Variants in CADPS2 observed in about 807,000 individuals in gnomAD.
The protein encoded by CADPS2 is calcium-dependent secretion activator 2.
A neutral mutation model predicts 172.5 loss-of-function variants in CADPS2; 93 were observed. The ratio of observed to expected loss-of-function variants is 0.54; its 90% CI spans 0.46 to 0.64. CADPS2 has a LOEUF of 0.64. Among genes scored for constraint, CADPS2 ranks in the 30% least tolerant of loss-of-function variants. The pLI, the probability that CADPS2 is intolerant of heterozygous loss-of-function variation, is 0.00. For synonymous variants in CADPS2, 546 were observed against 555.2 expected, an observed-to-expected ratio of 0.98 and a Z score of 0.23; for missense variants, 1,420 against 1,565.9, an observed-to-expected ratio of 0.91 and a Z score of 1.57.
At chr7:122,851,515 C>T (rs996797) in intron 1 of CADPS2, among the ~76,000 whole-genome samples, 28,516 of 152,070 alleles carry the variant, frequency 0.19, 2,785 homozygotes, top group Middle Eastern at 0.27. Context: ...AAAATAATAG[C>T]TAAGACTTAA....
intron 1 of CADPS2, among the ~76,000 whole-genome samples, chr7:122,753,181 A>G (rs1164892212): frequency 6.6e-6 from 1 of 152,346 alleles, no homozygotes; most frequent in East Asian, 1.9e-4. Flanking sequence ...AAAATCTAGT[A>G]GGGTATAATT....
chr7:122,363,852 G>GT (rs2040500191), intron 25 of CADPS2, among the ~76,000 whole-genome samples: 1 of 152,154 alleles, frequency 6.6e-6, no homozygotes. Context: ...GAATTACTTA[G>GT]TGACAAAGAG....
chr7:122,818,043 T>C (rs1802039548), intron 1 of CADPS2, among the ~76,000 whole-genome samples: 1 of 150,426 alleles, frequency 6.6e-6, no homozygotes, highest in Admixed American at 6.6e-5. Context: ...CCATCCCTTA[T>C]TTCCATGCCC....
chr7:122,610,124 A>C (rs1219819172), intron 6 of CADPS2, among the ~76,000 whole-genome samples: 1 of 151,268 alleles, frequency 6.6e-6, no homozygotes, highest in African/African-American at 2.4e-5. Context: ...ATTTTAAATC[A>C]GACAAATTTC....
intron 3 of CADPS2, among the ~76,000 whole-genome samples, chr7:122,648,411 C>T (rs986631102): frequency 7.2e-5 from 11 of 152,080 alleles, no homozygotes; most frequent in Admixed American, 3.9e-4. Flanking sequence ...CCTGCAATCT[C>T]GACATGGACA....
chr7:122,732,569 T>C (rs1031089363), intron 2 of CADPS2, among the ~76,000 whole-genome samples: 9 of 148,680 alleles, frequency 6.1e-5, no homozygotes, highest in Non-Finnish European at 1.0e-4. Context: ...TTGAAGAATA[T>C]AATATAATAT....
intron 1 of CADPS2, among the ~76,000 whole-genome samples, chr7:122,740,348 A>C (rs2092397047): frequency 6.6e-6 from 1 of 152,196 alleles, no homozygotes. Context: ...GGTACGTCCA[A>C]CAATGGAATA....
intron 14 of CADPS2, among the ~76,000 whole-genome samples, chr7:122,462,925 G>A (rs1471938476): frequency 1.3e-5 from 2 of 152,140 alleles, no homozygotes; most frequent in African/African-American, 4.8e-5. Context: ...ACCAACCTGT[G>A]TGACATAATG....
intron 25 of CADPS2, among the ~76,000 whole-genome samples, chr7:122,372,993 A>T (rs1039172134): frequency 6.6e-6 from 1 of 152,224 alleles, no homozygotes; most frequent in Non-Finnish European, 1.5e-5. Context: ...TTAGAGGCAG[A>T]GTCACAATAT....
At chr7:122,437,257 T>C (rs903000976) in intron 17 of CADPS2, among the ~76,000 whole-genome samples, 5 of 152,154 alleles carry the variant, frequency 3.3e-5, no homozygotes, top group African/African-American at 1.2e-4. Flanking sequence ...GGAGGTTTCA[T>C]GTTGTTACTC....
chr7:122,791,440 T>C (rs977446034), intron 1 of CADPS2, among the ~76,000 whole-genome samples: 1 of 152,120 alleles, frequency 6.6e-6, no homozygotes, highest in African/African-American at 2.4e-5. Flanking sequence ...ATCTTGACTT[T>C]TTCTTTCCTG....
At chr7:122,415,109 A>C (rs555713258) in intron 18 of CADPS2, among the ~76,000 whole-genome samples, 3 of 152,232 alleles carry the variant, frequency 2.0e-5, no homozygotes, top group African/African-American at 4.8e-5. Context: ...TCTTTAGTGA[A>C]TGTTAATATG....
intron 1 of CADPS2, among the ~76,000 whole-genome samples, chr7:122,778,914 A>G (rs920927270): frequency 6.6e-6 from 1 of 152,170 alleles, no homozygotes; most frequent in African/African-American, 2.4e-5. Context: ...CTTGAATTGT[A>G]GATCCCCACA....
At chr7:122,850,556 G>C (rs1813286431) in intron 1 of CADPS2, among the ~76,000 whole-genome samples, 1 of 152,190 alleles carries the variant, frequency 6.6e-6, no homozygotes, top group Non-Finnish European at 1.5e-5. Context: ...TTTTGGAGGT[G>C]CTTAAGCAGA....
At chr7:122,539,787 CTCCA>C (rs1345693491) in intron 8 of CADPS2, among the ~76,000 whole-genome samples, 3 of 151,804 alleles carry the variant, frequency 2.0e-5, no homozygotes, top group African/African-American at 7.2e-5. Flanking sequence ...TTCTGTTTCT[CTCCA>C]TCTCTCTTTG....
intron 1 of CADPS2, among the ~76,000 whole-genome samples, chr7:122,781,239 C>G (rs986792750): frequency 3.3e-5 from 5 of 152,106 alleles, no homozygotes; most frequent in African/African-American, 1.2e-4. Context: ...ATTAAAATAT[C>G]TTTTCCTTAT....
intron 1 of CADPS2, among the ~76,000 whole-genome samples, chr7:122,844,822 T>G (rs1811531736): frequency 6.6e-6 from 1 of 152,002 alleles, no homozygotes; most frequent in Non-Finnish European, 1.5e-5. Context: ...GTGGGGAGGA[T>G]TCACATAAGG....
At chr7:122,497,613 G>A (rs1019015945) in intron 9 of CADPS2, among the ~76,000 whole-genome samples, 36 of 152,056 alleles carry the variant, frequency 2.4e-4, no homozygotes, top group African/African-American at 8.4e-4. Context: ...TTAGCATTTA[G>A]TAATAGAAAT....
chr7:122,632,660 T>C (rs2076687622), intron 3 of CADPS2, among the ~76,000 whole-genome samples: 1 of 152,178 alleles, frequency 6.6e-6, no homozygotes, highest in Non-Finnish European at 1.5e-5. Context: ...GTTGACTCTG[T>C]TGGTAATTTC....
Sources: gnomAD v4.1 joint callset for allele counts (sites outside exome capture counted in the v4.1 genomes callset) on GRCh38, gnomAD v4.1.1 for gene constraint, MANE v1.5 for transcripts, NCBI Gene and HGNC (gene_info 2026-07-23, HGNC 2026-07-21) for gene names.